The following REEP5 variants were observed in gnomAD, a reference collection of about 807,000 sequenced individuals.
The protein encoded by REEP5 is receptor expression-enhancing protein 5.
Under a neutral mutation model 22.4 loss-of-function variants are expected in REEP5, and 24 were observed. That is an observed-to-expected ratio of 1.07 (90% CI 0.78 to 1.51). The LOEUF (loss-of-function observed/expected upper bound fraction) is 1.51, where lower values mean the gene tolerates loss of function less well. Ranked by LOEUF, REEP5 falls within the 40% of genes most tolerant of loss-of-function variation. The pLI is 0.00. For synonymous variants in REEP5, 103 were observed against 88.6 expected, an observed-to-expected ratio of 1.16 and a Z score of -0.92; for missense variants, 252 against 233.0, an observed-to-expected ratio of 1.08 and a Z score of -0.53.
chr5:112,908,807 G>A (rs1391383054), intron 2 of REEP5, among the ~76,000 whole-genome samples: 4 of 151,304 alleles, frequency 2.6e-5, no homozygotes, highest in East Asian at 1.9e-4. Flanking sequence ...CGCCCACCTC[G>A]GCCTCCCAAA....
intron 4 of REEP5, among the ~76,000 whole-genome samples, chr5:112,882,405 CCATTGTCAAG>C: frequency 6.6e-6 from 1 of 152,298 alleles, no homozygotes; most frequent in African/African-American, 2.4e-5. Context: ...AGGTTAAATT[CCATTGTCAAG>C]CATTAACCAC....
intron 2 of REEP5, among the ~76,000 whole-genome samples, chr5:112,918,237 C>T (rs939715432): frequency 6.6e-6 from 1 of 152,096 alleles, no homozygotes; most frequent in Non-Finnish European, 1.5e-5. Flanking sequence ...ATTATGCACA[C>T]GGAAAGAACA....
chr5:112,881,805 A>T (rs760837354), intron 4 of REEP5, among the ~76,000 whole-genome samples: 17 of 152,104 alleles, frequency 1.1e-4, no homozygotes, highest in Non-Finnish European at 2.1e-4. Flanking sequence ...TCACTCTGTC[A>T]CCCAGGCTGG....
At chr5:112,892,015 G>C (rs1449328035) in intron 3 of REEP5, 1 of 1,310,334 alleles carries the variant, frequency 7.6e-7, no homozygotes, top group Non-Finnish European at 1.1e-6. Context: ...AGAGAGAGAA[G>C]AGGAGGAGCA....
intron 2 of REEP5, among the ~76,000 whole-genome samples, chr5:112,919,965 G>C (rs1769316072): frequency 6.6e-6 from 1 of 152,132 alleles, no homozygotes; most frequent in Non-Finnish European, 1.5e-5. Flanking sequence ...GCAATGAACA[G>C]ACTTGATTAG....
chr5:112,888,594 T>TTCA (rs1554093181), intron 3 of REEP5, among the ~76,000 whole-genome samples: 1 of 144,844 alleles, frequency 6.9e-6, no homozygotes, highest in Non-Finnish European at 1.5e-5. Context: ...TGGCTAATTT[T>TTCA]TTATAACTTT....
At chr5:112,921,110 T>A (rs1217234331) in intron 2 of REEP5, 53 bp downstream of exon 2, 3 of 1,559,132 alleles carry the variant, frequency 1.9e-6, no homozygotes, top group Non-Finnish European at 2.6e-6. Flanking sequence ...GCAGCAGCCC[T>A]GCGGGGAGGA....
At chr5:112,909,211 C>G (rs1769036688) in intron 2 of REEP5, among the ~76,000 whole-genome samples, 1 of 147,106 alleles carries the variant, frequency 6.8e-6, no homozygotes, top group Admixed American at 7.0e-5. Flanking sequence ...TATCCAATCT[C>G]TCTGAGCCTT....
chr5:112,896,195 C>T (rs1466699967), intron 3 of REEP5: 2 of 152,744 alleles, frequency 1.3e-5, no homozygotes, highest in South Asian at 4.1e-4. Flanking sequence ...GGAAAGATTT[C>T]CCTGTCTTTT....
At chr5:112,919,762 C>T (rs1769310609) in intron 2 of REEP5, among the ~76,000 whole-genome samples, 1 of 152,032 alleles carries the variant, frequency 6.6e-6, no homozygotes, top group African/African-American at 2.4e-5. Flanking sequence ...TCCCAGCCTC[C>T]AGAACTGTGA....
intron 3 of REEP5, among the ~76,000 whole-genome samples, chr5:112,899,092 T>C (rs1298133681): frequency 1.3e-5 from 2 of 152,196 alleles, no homozygotes; most frequent in African/African-American, 4.8e-5. Flanking sequence ...CTTTTTTTCT[T>C]TTTCGAGACA....
At chr5:112,895,087 A>C (rs1768637604) in intron 3 of REEP5, 1 of 152,052 alleles carries the variant, frequency 6.6e-6, no homozygotes, top group Non-Finnish European at 1.5e-5. Flanking sequence ...AATTAGAAAA[A>C]AAATAGCCGG....
chr5:112,877,359 A>C lies in REEP5; in HGVS notation c.*1427T>G, dbSNP rs1014257890. 1.8e-4 allele frequency: 28 copies of C among 152,204 alleles called. No individual in the cohort carries two copies. Among genetic ancestry groups the C allele is most frequent in the African/African-American group, 6.8e-4 (28 of 41,444 alleles). The allele number at this position is 152,204 out of a possible 1,614,324, so 9.4% of individuals were successfully genotyped here. A position where few individuals can be genotyped will look rare whatever the true frequency, so the allele number is the denominator to read the frequency against. ...TATTTAATCTTGTTAGTTTAGTTAT[A>C]CACTTGTTTTAGTCGAGTTTAATTC... On this transcript the variant is annotated 3_prime_UTR_variant, in exon 5 of 5. Transcript: ENST00000379638.
At chr5:112,883,857 A>G (rs1483047398) in intron 4 of REEP5, among the ~76,000 whole-genome samples, 1 of 152,068 alleles carries the variant, frequency 6.6e-6, no homozygotes, top group African/African-American at 2.4e-5. Context: ...TTATCCTTCC[A>G]TCTGTTCAGG....
intron 4 of REEP5, among the ~76,000 whole-genome samples, chr5:112,884,802 C>T (rs981872473): frequency 2.1e-4 from 32 of 150,530 alleles, no homozygotes; most frequent in Non-Finnish European, 3.8e-4. Flanking sequence ...TTTCTACTTG[C>T]TTTATTTTTT....
intron 3 of REEP5, chr5:112,892,041 G>C: frequency 6.8e-7 from 1 of 1,478,214 alleles, no homozygotes; most frequent in Non-Finnish European, 9.5e-7. Context: ...AACAGGAGAA[G>C]AAAGAAAAAG....
rs1769361487 is a variant in REEP5 at position 112,921,370 on chromosome 5, A to G, written c.119-114T>C. ...TTGTAGGAGTTTTCCTCTCGACTCG[A>G]TTAAAGGAGCGAGAAAAACAAACCA... On this transcript the variant is annotated intron_variant, in intron 1 of 4. Coordinates refer to ENST00000379638, the MANE Select transcript of REEP5 (RefSeq NM_005669.5). 1.0e-5 allele frequency: 10 copies of G among 974,292 alleles called. No homozygotes were observed. In the Admixed American group the frequency reaches 1.4e-4, roughly 14 times the overall value. 60.4% of individuals were successfully genotyped at this position (974,292 alleles called of 1,614,324 possible).
At chr5:112,879,505 G>A (rs1426574276) in intron 4 of REEP5, among the ~76,000 whole-genome samples, 2 of 151,932 alleles carry the variant, frequency 1.3e-5, no homozygotes, top group African/African-American at 2.4e-5. Context: ...ACGGAGTCTC[G>A]CTCTGTCACC....
At chr5:112,884,387 ATT>A (rs1328520628) in intron 4 of REEP5, among the ~76,000 whole-genome samples, 15 of 129,908 alleles carry the variant, frequency 1.2e-4, no homozygotes, top group African/African-American at 1.4e-4. Flanking sequence ...ACCATTTTCT[ATT>A]TTTTTTTTTT....
Sources: gnomAD v4.1 joint callset for allele counts (sites outside exome capture counted in the v4.1 genomes callset) on GRCh38, gnomAD v4.1.1 for gene constraint, MANE v1.5 for transcripts, NCBI Gene and HGNC (gene_info 2026-07-23, HGNC 2026-07-21) for gene names.